PITPNM2: variants seen among roughly 807,000 people sequenced by gnomAD.
PITPNM2 encodes the protein membrane-associated phosphatidylinositol transfer protein 2.
In PITPNM2, 35 loss-of-function variants were observed where a neutral mutation model predicts 132.2. That is an observed-to-expected ratio of 0.26 (90% CI 0.20 to 0.35). The LOEUF (loss-of-function observed/expected upper bound fraction) is 0.35, where lower values mean the gene tolerates loss of function less well. Among genes scored for constraint, PITPNM2 ranks in the 10% least tolerant of loss-of-function variants. PITPNM2 has a pLI of 1.00. For synonymous variants in PITPNM2, 738 were observed against 799.2 expected, an observed-to-expected ratio of 0.92 and a Z score of 1.29; for missense variants, 1,332 against 1,912.0, an observed-to-expected ratio of 0.70 and a Z score of 5.66.
At chr12:123,016,876 T>C (rs2039447606) in intron 3 of PITPNM2, among the ~76,000 whole-genome samples, 1 of 151,432 alleles carries the variant, frequency 6.6e-6, no homozygotes, top group Non-Finnish European at 1.5e-5. Context: ...AAACCCTGTC[T>C]CTACTAAAAA....
chr12:123,014,231 C>A (rs1250247558), intron 3 of PITPNM2, among the ~76,000 whole-genome samples, 189 bp from the exon 4 acceptor site: 1 of 152,184 alleles, frequency 6.6e-6, no homozygotes, highest in African/African-American at 2.4e-5. Flanking sequence ...GCTGAAGGGG[C>A]CACAGACTCC....
intron 3 of PITPNM2, among the ~76,000 whole-genome samples, chr12:123,016,490 T>C (rs1351623974): frequency 6.6e-6 from 1 of 151,850 alleles, no homozygotes; most frequent in East Asian, 2.0e-4. Context: ...TAATTTTTTG[T>C]ATTTTTAGTA....
intron 1 of PITPNM2, among the ~76,000 whole-genome samples, chr12:123,112,211 G>A (rs1354903269): frequency 6.6e-6 from 1 of 152,178 alleles, no homozygotes; most frequent in Non-Finnish European, 1.5e-5. Context: ...CAGCTACTTG[G>A]GGAACAGACC....
intron 2 of PITPNM2, chr12:123,081,811 T>G (rs1212766428): frequency 2.6e-5 from 4 of 152,166 alleles, no homozygotes; most frequent in African/African-American, 9.7e-5. Flanking sequence ...CTGTGTGGCT[T>G]CAAAGCCCAG....
intron 1 of PITPNM2, among the ~76,000 whole-genome samples, chr12:123,126,175 C>T (rs1329968921): frequency 6.6e-6 from 1 of 152,010 alleles, no homozygotes; most frequent in Non-Finnish European, 1.5e-5. Context: ...AGCCTAGGCT[C>T]TACCTTTTAA....
rs1270997027 is a variant in PITPNM2, at chr12:123,008,418, C to T, written c.643+1432G>A. Among the ~76,000 whole-genome samples the T allele has an allele frequency of 6.6e-6, 1 of 152,158 alleles. No homozygotes were observed. The highest frequency in any genetic ancestry group is 2.1e-4 in the South Asian group (1 of 4,834). On this transcript the variant is annotated intron_variant, in intron 6 of 25. Transcript: ENST00000320201. This position sits in a 1 kb window ranked among gnomAD's most constrained non-coding sequence, Gnocchi z 4.1. The stretch of plus-strand genomic sequence containing the variant: ...TCAGGTTCCTGGAGGTCGAGAAGGG[C>T]GGTAGGGGACGCCCTGCCCAGGATA...
chr12:123,122,736 T>C (rs1392931755), intron 1 of PITPNM2, among the ~76,000 whole-genome samples: 1 of 152,242 alleles, frequency 6.6e-6, no homozygotes, highest in Non-Finnish European at 1.5e-5. Context: ...CTCAGTCGTG[T>C]GCAAGCTGGC....
intron 2 of PITPNM2, among the ~76,000 whole-genome samples, chr12:123,066,770 C>T (rs1408733957): frequency 6.6e-6 from 1 of 151,990 alleles, no homozygotes; most frequent in Non-Finnish European, 1.5e-5. Context: ...CTGACTAGTA[C>T]ACCCTCTCCA....
At chr12:123,062,261 C>T (rs1268549479) in intron 2 of PITPNM2, among the ~76,000 whole-genome samples, 1 of 152,216 alleles carries the variant, frequency 6.6e-6, no homozygotes, top group Admixed American at 6.5e-5. Context: ...AGATCTGATA[C>T]TTGCAACTGA....
rs113112891 is a variant in PITPNM2 at position 122,998,900 on chromosome 12, G to T, written c.1225-1328C>A. ...GGCCGAGGCAGGCAGATCACTTGAG[G>T]CCAGGAGTTTGAGACCAGCCTGGCC... On this transcript the variant is annotated intron_variant, in intron 10 of 25. Coordinates refer to ENST00000320201, the MANE Select transcript of PITPNM2 (RefSeq NM_020845.3). Among the ~76,000 whole-genome samples, 1,007 of 152,212 alleles carry T rather than the reference G, an allele frequency of 6.6e-3. 5 individuals carry two copies. The highest frequency in any genetic ancestry group is 0.011 in the Non-Finnish European group (719 of 68,004).
At chr12:122,987,134 T>C in intron 23 of PITPNM2, 147 bp downstream of exon 23, 1 of 1,176,202 alleles carries the variant, frequency 8.5e-7, no homozygotes, top group Non-Finnish European at 1.2e-6. Context: ...TTGGGGGTGC[T>C]GGGCTCTGAA....
In PITPNM2 at chr12:123,008,593, C is replaced by G. The variant is rs2039041260; in HGVS notation, c.643+1257G>C. On this transcript the variant is annotated intron_variant, in intron 6 of 25. Transcript: ENST00000320201. This position sits in a 1 kb window ranked among gnomAD's most constrained non-coding sequence, Gnocchi z 4.1. ...GGTAATGGAGAGAGGCAGGTTTGGG[C>G]CAATCTAAGCTCCCATGGGGTTAGA... 6.6e-6 allele frequency among the ~76,000 whole-genome samples: 1 copy of G among 152,254 alleles called. No homozygotes were observed. The highest frequency in any genetic ancestry group is 1.9e-4 in the East Asian group (1 of 5,186).
chr12:123,130,779 C>G (rs1296971531), intron 1 of PITPNM2, among the ~76,000 whole-genome samples: 1 of 150,188 alleles, frequency 6.7e-6, no homozygotes, highest in African/African-American at 2.4e-5. Flanking sequence ...GACTCCATCT[C>G]AAAAAAAAAG....
At chr12:123,047,715 C>G (rs1164828043) in intron 2 of PITPNM2, among the ~76,000 whole-genome samples, 2 of 151,970 alleles carry the variant, frequency 1.3e-5, no homozygotes, top group African/African-American at 4.8e-5. Context: ...CCTCCAGGCT[C>G]CAGGGGAGAC....
intron 2 of PITPNM2, among the ~76,000 whole-genome samples, chr12:123,098,353 AG>A (rs1051754977): frequency 6.6e-6 from 1 of 152,082 alleles, no homozygotes; most frequent in Non-Finnish European, 1.5e-5. Context: ...GGCAGGATGG[AG>A]GGTGTCAGGG....
intron 3 of PITPNM2, among the ~76,000 whole-genome samples, chr12:123,034,003 G>C (rs1206755155): frequency 6.6e-6 from 1 of 152,166 alleles, no homozygotes; most frequent in Non-Finnish European, 1.5e-5. Context: ...AAAAAGAGAA[G>C]ACACCAGAGC....
At chr12:122,996,412 A>G in intron 13 of PITPNM2, 46 bp downstream of exon 13, 1 of 1,608,030 alleles carries the variant, frequency 6.2e-7, no homozygotes. Flanking sequence ...GGGGGCGTGC[A>G]GGAGGCTTCA....
At chr12:123,115,356 T>C (rs2042916314) in intron 1 of PITPNM2, among the ~76,000 whole-genome samples, 1 of 151,964 alleles carries the variant, frequency 6.6e-6, no homozygotes, top group African/African-American at 2.4e-5. Flanking sequence ...CCAGTGAAGG[T>C]GGAAGCATTT....
In PITPNM2 at chr12:123,000,270, T is replaced by A. The variant is rs2038601439; in HGVS notation, c.1224+508A>T. Reference sequence around the variant, plus strand: ...AGGTGGAGGAGGATGGGGCATGAACTCCCACAGAGAACCCCCGAAGCGGAT... The same window carrying A: ...AGGTGGAGGAGGATGGGGCATGAACACCCACAGAGAACCCCCGAAGCGGAT... On this transcript the variant is annotated intron_variant, in intron 10 of 25. Coordinates refer to ENST00000320201, the MANE Select transcript of PITPNM2 (RefSeq NM_020845.3). This position sits in a 1 kb window ranked among gnomAD's most constrained non-coding sequence, Gnocchi z 5.4. 1.6e-6 allele frequency: 1 copy of A among 617,080 alleles called. No individual in the cohort carries two copies. Among genetic ancestry groups the A allele is most frequent in the Non-Finnish European group, 2.9e-6 (1 of 345,162 alleles). 38.2% of individuals were successfully genotyped at this position (617,080 alleles called of 1,614,324 possible).
Sources: allele counts gnomAD v4.1 joint callset (sites outside exome capture counted in the v4.1 genomes callset), GRCh38; gene constraint gnomAD v4.1.1; non-coding constraint Gnocchi (gnomAD v3.1); transcripts MANE v1.5; gene names NCBI Gene and HGNC (gene_info 2026-07-23, HGNC 2026-07-21).